ASXL2: variants seen among roughly 807,000 people sequenced by gnomAD.
ASXL2 encodes ASXL transcriptional regulator 2.
In ASXL2, 23 loss-of-function variants were observed where a neutral mutation model predicts 122.0. The observed-to-expected ratio is 0.19, with a 90% CI of 0.14 to 0.27. The LOEUF is 0.27. ASXL2 is among the 10% of genes least tolerant of loss of function. The probability of loss-of-function intolerance (pLI) is 1.00; values close to 1 mark genes in which losing one functional copy is unlikely to be tolerated. For synonymous variants in ASXL2, 650 were observed against 637.0 expected, an observed-to-expected ratio of 1.02 and a Z score of -0.31; for missense variants, 1,518 against 1,713.8, an observed-to-expected ratio of 0.89 and a Z score of 2.02.
At position 25,845,355 on chromosome 2, in the gene ASXL2, C is replaced by T. The variant is rs878969696; in HGVS notation, c.140+126G>A. ...GACTTAAAAAATGCCAAAGATCTGACATCTGATCAGAACAAAGCATTTATT... is the reference window on the plus strand; with the variant it reads ...GACTTAAAAAATGCCAAAGATCTGATATCTGATCAGAACAAAGCATTTATT... On this transcript the variant is annotated intron_variant, in intron 2 of 12. Transcript: ENST00000435504. 2.3e-5 allele frequency: 32 copies of T among 1,378,554 alleles called. No homozygotes were observed. The South Asian group carries it at 3.9e-4, about 17-fold the overall frequency. 85.4% of individuals were successfully genotyped at this position (1,378,554 alleles called of 1,614,324 possible).
At chr2:25,797,851 CTT>C (rs2149170406) in intron 5 of ASXL2, among the ~76,000 whole-genome samples, 1 of 152,304 alleles carries the variant, frequency 6.6e-6, no homozygotes, top group African/African-American at 2.4e-5. Context: ...CAAACATACT[CTT>C]AATCATATGA....
chr2:25,847,446 A>G (rs1449507528), intron 1 of ASXL2, among the ~76,000 whole-genome samples: 1 of 152,150 alleles, frequency 6.6e-6, no homozygotes, highest in Non-Finnish European at 1.5e-5. Flanking sequence ...ATTTCCCTTA[A>G]TAACATTAAC....
At chr2:25,772,496 G>T (rs935780650) in intron 5 of ASXL2, among the ~76,000 whole-genome samples, 3 of 152,160 alleles carry the variant, frequency 2.0e-5, no homozygotes, top group African/African-American at 7.2e-5. Flanking sequence ...ACTTTGGGAG[G>T]CCAAGGTGGG....
At chr2:25,771,913 G>T (rs1218741256) in intron 5 of ASXL2, among the ~76,000 whole-genome samples, 2 of 152,196 alleles carry the variant, frequency 1.3e-5, no homozygotes, top group South Asian at 4.1e-4. Flanking sequence ...CAGTGGAAGG[G>T]CCTTGGGTTG....
chr2:25,773,826 T>C (rs915318368), intron 5 of ASXL2, among the ~76,000 whole-genome samples: 5 of 148,780 alleles, frequency 3.4e-5, no homozygotes, highest in African/African-American at 7.4e-5. Context: ...AGGTTAGGAG[T>C]TCAAGACCAG....
rs147301981 is a variant in ASXL2, at chr2:25,791,188, T to C, written c.403+8197A>G. ...TCTCTCTCTTATCTATACCTTAATT[T>C]TCCTAAGAAACTTTGTGAGGCCGGG... On this transcript the variant is annotated intron_variant, in intron 5 of 12. Coordinates refer to ENST00000435504, the MANE Select transcript of ASXL2 (RefSeq NM_018263.6). Among the ~76,000 whole-genome samples the C allele has an allele frequency of 2.1e-4, 32 of 152,068 alleles. No homozygotes were observed. The East Asian group carries it at 4.3e-3, about 20-fold the overall frequency.
rs1574387917 is a variant in ASXL2, at chr2:25,741,017, C to T, written c.*1012G>A. The stretch of plus-strand genomic sequence containing the variant: ...GGAGAGAAGAGGAAAAGAGAAGCGA[C>T]CTTGTTCTAGTGTCAAAACTGTTTT... On this transcript the variant is annotated 3_prime_UTR_variant, in exon 13 of 13. Coordinates refer to ENST00000435504, the MANE Select transcript of ASXL2 (RefSeq NM_018263.6). The T allele has an allele frequency of 5.2e-6, 1 of 193,178 alleles. No individual in the cohort carries two copies. The highest frequency in any genetic ancestry group is 8.2e-5 in the East Asian group (1 of 12,138). The allele number at this position is 193,178 out of a possible 1,614,324, so 12.0% of individuals were successfully genotyped here.
At chr2:25,748,696 G>A (rs1347150212) in intron 12 of ASXL2, among the ~76,000 whole-genome samples, 1 of 152,044 alleles carries the variant, frequency 6.6e-6, no homozygotes, top group African/African-American at 2.4e-5. Flanking sequence ...AAATTCCTTG[G>A]TAAGAAAAAT....
chr2:25,865,567 A>G (rs185169773), intron 1 of ASXL2, among the ~76,000 whole-genome samples: 2,452 of 151,420 alleles, frequency 0.016, 31 homozygotes, highest in Non-Finnish European at 0.023. Context: ...GGAGATCGAG[A>G]CCATCCTGGC....
At chr2:25,796,957 G>A (rs2088920129) in intron 5 of ASXL2, among the ~76,000 whole-genome samples, 2 of 152,072 alleles carry the variant, frequency 1.3e-5, no homozygotes, top group South Asian at 4.1e-4. Context: ...ATGGATCACA[G>A]ACCTAAACAA....
rs998710512 is a variant in ASXL2 at position 25,878,430 on chromosome 2, C to G, written c.-208G>C. ...GCCGGTCCTCTTGCTGCCGTTGCCA[C>G]TGCTACCGCCGCTGCCATATTGGGT... On this transcript the variant is annotated 5_prime_UTR_variant, in exon 1 of 13. Transcript: ENST00000435504. The G allele has an allele frequency of 1.0e-5, 6 of 597,126 alleles. No homozygotes were observed. Among genetic ancestry groups the G allele is most frequent in the Non-Finnish European group, 1.5e-5 (5 of 336,638 alleles). 37.0% of individuals were successfully genotyped at this position (597,126 alleles called of 1,614,324 possible). A position where few individuals can be genotyped will look rare whatever the true frequency, so the allele number is the denominator to read the frequency against.
rs577212127 is a variant in ASXL2 at position 25,741,791 on chromosome 2, G to T, written c.*238C>A. ...AAATGTGACATATTTACATGATTTT[G>T]TAAGTGCAAACTTGTCACAAATTCA... is the stretch of plus-strand genomic sequence containing the variant. On this transcript the variant is annotated 3_prime_UTR_variant, in exon 13 of 13. Transcript: ENST00000435504. 1.0e-4 allele frequency: 48 copies of T among 471,582 alleles called. No individual in the cohort carries two copies. Among genetic ancestry groups the T allele is most frequent in the African/African-American group, 3.6e-4 (19 of 52,544 alleles). The allele number at this position is 471,582 out of a possible 1,614,324, so 29.2% of individuals were successfully genotyped here.
intron 9 of ASXL2, among the ~76,000 whole-genome samples, chr2:25,759,056 G>C (rs1056160237): frequency 2.0e-5 from 3 of 152,090 alleles, no homozygotes; most frequent in Non-Finnish European, 4.4e-5. Flanking sequence ...CCAGGTTCAA[G>C]CGATTCTCCT....
chr2:25,787,264 T>A (rs932358613), intron 5 of ASXL2, among the ~76,000 whole-genome samples: 11 of 152,170 alleles, frequency 7.2e-5, no homozygotes, highest in Admixed American at 5.2e-4. Flanking sequence ...GATGAGGCAA[T>A]GTCTCTTCCC....
chr2:25,842,514 A>G (rs531075920), intron 2 of ASXL2, among the ~76,000 whole-genome samples: 1 of 152,064 alleles, frequency 6.6e-6, no homozygotes, highest in African/African-American at 2.4e-5. Flanking sequence ...GGAAATGATC[A>G]TGGTAAGTTT....
chr2:25,803,804 C>G (rs868228956), intron 4 of ASXL2, among the ~76,000 whole-genome samples: 1 of 152,214 alleles, frequency 6.6e-6, no homozygotes, highest in Admixed American at 6.5e-5. Context: ...TGCTTGCCCA[C>G]CAATCACCTC....
chr2:25,768,909 GT>G, intron 6 of ASXL2, 41 bp from the exon 7 acceptor site: 1 of 1,585,128 alleles, frequency 6.3e-7, no homozygotes. Flanking sequence ...AAACCAATCA[GT>G]TTTTTAGTAA....
chr2:25,790,234 G>C (rs1190427573), intron 5 of ASXL2, among the ~76,000 whole-genome samples: 6 of 141,140 alleles, frequency 4.3e-5, no homozygotes, highest in Admixed American at 3.8e-4. Flanking sequence ...CAATGGACTA[G>C]AGGAAAAAAA....
chr2:25,784,701 C>T (rs1445768831), intron 5 of ASXL2, among the ~76,000 whole-genome samples: 2 of 152,310 alleles, frequency 1.3e-5, no homozygotes, highest in East Asian at 1.9e-4. Context: ...TCGTCTCCAT[C>T]GTCACACGGC....
Sources: gnomAD v4.1 joint callset for allele counts (sites outside exome capture counted in the v4.1 genomes callset) on GRCh38, gnomAD v4.1.1 for gene constraint, MANE v1.5 for transcripts, NCBI Gene and HGNC (gene_info 2026-07-23, HGNC 2026-07-21) for gene names.